Variants in SMAP1 observed in about 807,000 individuals in gnomAD.
The protein encoded by SMAP1 is stromal membrane-associated protein 1.
Under a neutral mutation model 58.5 loss-of-function variants are expected in SMAP1, and 24 were observed. That is an observed-to-expected ratio of 0.41 (90% CI 0.30 to 0.58). SMAP1 has a LOEUF of 0.58. Among genes scored for constraint, SMAP1 ranks in the 20% least tolerant of loss-of-function variants. The pLI is 0.29. For missense variants in SMAP1, 563 were observed against 566.3 expected (o/e 0.99, Z 0.06); for synonymous variants, 216 against 196.6 (o/e 1.10, Z -0.82).
At chr6:70,806,760 C>T (rs999637346) in intron 6 of SMAP1, among the ~76,000 whole-genome samples, 6 of 152,238 alleles carry the variant, frequency 3.9e-5, no homozygotes, top group Admixed American at 1.3e-4. Context: ...ATAGTAATAG[C>T]TTAATAAGCA....
intron 6 of SMAP1, among the ~76,000 whole-genome samples, chr6:70,803,527 C>T (rs1214781891): frequency 6.6e-6 from 1 of 151,966 alleles, no homozygotes; most frequent in African/African-American, 2.4e-5. Context: ...TATTTCTTGC[C>T]TTCTACTAGC....
Position 70,856,886 on chromosome 6 carries a change from A to T in SMAP1, c.817A>T (p.Thr273Ser), listed in dbSNP as rs777092488. ...GACACCCTCTGCACCAGCAGCTGCAACCCTGTCTACAGTAACATCTGGGGA... is the reference window on the plus strand; with the variant it reads ...GACACCCTCTGCACCAGCAGCTGCATCCCTGTCTACAGTAACATCTGGGGA... ...QGTPSAPAAA[T>S]LSTVTSGDLD... Residue 273 changes from threonine (T) to serine (S), a missense_variant, in exon 9 of 11, where the codon ACC (threonine) becomes TCC (serine). Thr to Ser is a moderately conservative substitution (Grantham distance 58). Transcript: ENST00000370455. The T allele has an allele frequency of 2.5e-6, 4 of 1,613,520 alleles. No individual in the cohort carries two copies. In the East Asian group the frequency reaches 8.9e-5, roughly 36 times the overall value.
chr6:70,741,626 T>C (rs2149873620), intron 2 of SMAP1, among the ~76,000 whole-genome samples: 1 of 152,292 alleles, frequency 6.6e-6, no homozygotes, highest in South Asian at 2.1e-4. Flanking sequence ...TTGCTGGATC[T>C]ACCATTCTGA....
chr6:70,741,101 A>C (rs977112654), intron 2 of SMAP1, among the ~76,000 whole-genome samples: 3 of 152,150 alleles, frequency 2.0e-5, no homozygotes, highest in Non-Finnish European at 2.9e-5. Flanking sequence ...GCCAAACCAT[A>C]CCATTCCACC....
intron 7 of SMAP1, among the ~76,000 whole-genome samples, chr6:70,851,225 T>A (rs1434203687): frequency 6.6e-6 from 1 of 152,168 alleles, no homozygotes; most frequent in Non-Finnish European, 1.5e-5. Flanking sequence ...AAAAATATTT[T>A]ATCGTGACTA....
chr6:70,824,454 A>T (rs991545473), intron 6 of SMAP1, among the ~76,000 whole-genome samples: 1 of 152,106 alleles, frequency 6.6e-6, no homozygotes, highest in African/African-American at 2.4e-5. Flanking sequence ...GTACTAAAAT[A>T]TAAAGCTTTT....
chr6:70,753,813 G>A (rs746277340), intron 2 of SMAP1, among the ~76,000 whole-genome samples: 33 of 150,154 alleles, frequency 2.2e-4, no homozygotes, highest in Non-Finnish European at 3.8e-4. Flanking sequence ...TCCGCCCCCC[G>A]CCCATTACTT....
At chr6:70,702,789 C>T (rs1019303425) in intron 1 of SMAP1, among the ~76,000 whole-genome samples, 2 of 152,002 alleles carry the variant, frequency 1.3e-5, no homozygotes, top group Non-Finnish European at 2.9e-5. Context: ...CACCACCACA[C>T]CTGGTTAATT....
At chr6:70,764,193 T>A (rs1488981355) in intron 3 of SMAP1, among the ~76,000 whole-genome samples, 2 of 151,914 alleles carry the variant, frequency 1.3e-5, no homozygotes, top group East Asian at 3.9e-4. Context: ...ATTACACATA[T>A]GAGCCACTGT....
intron 5 of SMAP1, among the ~76,000 whole-genome samples, chr6:70,792,326 A>ATTTTTTTTTTTT (rs70990333): frequency 2.9e-5 from 4 of 140,174 alleles, no homozygotes; most frequent in Non-Finnish European, 3.1e-5. Flanking sequence ...CTCTTTACCT[A>ATTTTTTTTTTTT]TTTTTTTTTT....
At chr6:70,793,673 A>AGAGAGAGAGAGAGAGAGAG (rs1768467436) in intron 5 of SMAP1, among the ~76,000 whole-genome samples, 1 of 149,600 alleles carries the variant, frequency 6.7e-6, no homozygotes, top group African/African-American at 2.5e-5. Flanking sequence ...AGAGAGAGAG[A>AGAGAGAGAGAGAGAGAGAG]AAGCTTAAAA....
chr6:70,840,805 C>T (rs1562197278), intron 7 of SMAP1, among the ~76,000 whole-genome samples: 1 of 152,170 alleles, frequency 6.6e-6, no homozygotes, highest in Non-Finnish European at 1.5e-5. Context: ...GGCCTGGGGC[C>T]CCTCTTGACT....
intron 1 of SMAP1, among the ~76,000 whole-genome samples, chr6:70,724,531 G>C (rs988403308): frequency 6.6e-6 from 1 of 152,150 alleles, no homozygotes; most frequent in African/African-American, 2.4e-5. Flanking sequence ...ATTTTTTTGA[G>C]TGATCACAAT....
intron 6 of SMAP1, among the ~76,000 whole-genome samples, chr6:70,800,837 G>A (rs947025671): frequency 2.0e-5 from 3 of 152,140 alleles, no homozygotes; most frequent in African/African-American, 7.2e-5. Flanking sequence ...CCCTGTGAAG[G>A]ACATGAACTC....
At chr6:70,833,219 G>A (rs1443773782) in intron 6 of SMAP1, among the ~76,000 whole-genome samples, 2 of 152,116 alleles carry the variant, frequency 1.3e-5, no homozygotes, top group African/African-American at 2.4e-5. Context: ...AATAAAAATA[G>A]TGAGGTTAAT....
At chr6:70,750,334 TGTTTA>T (rs1276178572) in intron 2 of SMAP1, among the ~76,000 whole-genome samples, 1 of 152,222 alleles carries the variant, frequency 6.6e-6, no homozygotes, top group African/African-American at 2.4e-5. Context: ...TCTATTCCCA[TGTTTA>T]GTTATACGTG....
At chr6:70,840,219 G>A (rs565121838) in intron 7 of SMAP1, among the ~76,000 whole-genome samples, 2 of 152,266 alleles carry the variant, frequency 1.3e-5, no homozygotes, top group South Asian at 2.1e-4. Flanking sequence ...TGGGACTCAC[G>A]GCCTTCTTTA....
intron 5 of SMAP1, among the ~76,000 whole-genome samples, chr6:70,795,990 A>G (rs1375269765): frequency 1.3e-5 from 2 of 152,072 alleles, no homozygotes; most frequent in Non-Finnish European, 2.9e-5. Context: ...CGGCCTCCCG[A>G]AGTGCTGGGA....
At chr6:70,668,843 T>G in intron 1 of SMAP1, 1 of 1,127,812 alleles carries the variant, frequency 8.9e-7, no homozygotes, top group South Asian at 1.6e-5. Flanking sequence ...TGGAGGACGG[T>G]GGGTTTGTAT....
Sources: gnomAD v4.1 joint callset for allele counts (sites outside exome capture counted in the v4.1 genomes callset) on GRCh38, gnomAD v4.1.1 for gene constraint, MANE v1.5 for transcripts, NCBI Gene and HGNC (gene_info 2026-07-23, HGNC 2026-07-21) for gene names.